The following RUNX1 variants were observed in gnomAD, a reference collection of about 807,000 sequenced individuals.
The protein encoded by RUNX1 is RUNX family transcription factor 1, also known as runt-related transcription factor 1.
A neutral mutation model predicts 42.8 loss-of-function variants in RUNX1; 19 were observed. That is an observed-to-expected ratio of 0.44 (90% CI 0.31 to 0.65). The LOEUF is 0.65. Ranked by LOEUF, RUNX1 falls within the 30% of genes least tolerant of loss-of-function variation. The pLI is 0.07. For missense variants in RUNX1, 528 were observed against 672.0 expected (o/e 0.79, Z 2.37); for synonymous variants, 271 against 289.4 (o/e 0.94, Z 0.64).
intron 2 of RUNX1, among the ~76,000 whole-genome samples, chr21:35,012,129 C>T (rs147380391): frequency 1.2e-4 from 18 of 152,288 alleles, no homozygotes; most frequent in Admixed American, 9.8e-4. Flanking sequence ...CCATATCTAA[C>T]GTGAGATTCA....
At chr21:35,045,685 A>T (rs2059390962) in intron 2 of RUNX1, among the ~76,000 whole-genome samples, 1 of 152,220 alleles carries the variant, frequency 6.6e-6, no homozygotes, top group South Asian at 2.1e-4. Context: ...TCTGTGGCTT[A>T]AGCCTGAAGT....
intron 2 of RUNX1, among the ~76,000 whole-genome samples, chr21:34,943,875 A>G (rs1304131443): frequency 6.6e-6 from 1 of 152,158 alleles, no homozygotes; most frequent in African/African-American, 2.4e-5. Context: ...AGTTACAGAG[A>G]GATTTGCCGA....
At chr21:34,980,709 A>G (rs2058840325) in intron 2 of RUNX1, among the ~76,000 whole-genome samples, 1 of 152,142 alleles carries the variant, frequency 6.6e-6, no homozygotes, top group Non-Finnish European at 1.5e-5. Flanking sequence ...AAAACCAGAA[A>G]AACTATCAAG....
intron 7 of RUNX1, among the ~76,000 whole-genome samples, chr21:34,813,087 T>C (rs2056778549): frequency 6.6e-6 from 1 of 152,170 alleles, no homozygotes. Context: ...ATAGCGATCA[T>C]CAAACGGGTG....
At chr21:34,872,682 C>T (rs1292587704) in intron 5 of RUNX1, among the ~76,000 whole-genome samples, 4 of 152,128 alleles carry the variant, frequency 2.6e-5, no homozygotes, top group Admixed American at 6.5e-5. Flanking sequence ...GGCGAGATCA[C>T]GCATGACTGG....
In RUNX1 at chr21:34,790,059, A is replaced by T. The variant is rs2056415500; in HGVS notation, c.*2076T>A. The T allele has an allele frequency of 4.3e-6, 1 of 232,920 alleles. No homozygotes were observed. The highest frequency in any genetic ancestry group is 8.5e-6 in the Non-Finnish European group (1 of 117,892). 14.4% of individuals were successfully genotyped at this position (232,920 alleles called of 1,614,324 possible). Reference sequence around the variant, plus strand: ...AAAATGTAATACGGAATAATATATGAAACTGAGTTGTGGAGGGAATCCTGT... The same window carrying T: ...AAAATGTAATACGGAATAATATATGTAACTGAGTTGTGGAGGGAATCCTGT... On this transcript the variant is annotated 3_prime_UTR_variant, in exon 9 of 9. Transcript: ENST00000675419.
chr21:35,024,544 C>T (rs2059222121), intron 2 of RUNX1, among the ~76,000 whole-genome samples: 1 of 152,144 alleles, frequency 6.6e-6, no homozygotes, highest in South Asian at 2.1e-4. Flanking sequence ...CTTCAAAAGA[C>T]TTAGAACTGA....
At chr21:34,993,029 T>C (rs2058957618) in intron 2 of RUNX1, among the ~76,000 whole-genome samples, 1 of 152,244 alleles carries the variant, frequency 6.6e-6, no homozygotes. Context: ...AGGACCACTC[T>C]CTTGCCCTGC....
chr21:34,978,879 T>C (rs555825072), intron 2 of RUNX1, among the ~76,000 whole-genome samples: 3 of 151,684 alleles, frequency 2.0e-5, no homozygotes, highest in African/African-American at 7.3e-5. Flanking sequence ...GAGGAGATTT[T>C]CAGGTGACCT....
chr21:35,019,515 C>T (rs2059183244), intron 2 of RUNX1, among the ~76,000 whole-genome samples: 1 of 152,164 alleles, frequency 6.6e-6, no homozygotes, highest in East Asian at 1.9e-4. Flanking sequence ...TAGCAACAAC[C>T]TCATAGAAAA....
intron 8 of RUNX1, 79 bp downstream of exon 8, chr21:34,799,222 C>G: frequency 6.8e-7 from 1 of 1,473,384 alleles, no homozygotes; most frequent in South Asian, 1.1e-5. Flanking sequence ...AATGTTCTGC[C>G]AACTCCTTCA....
intron 2 of RUNX1, among the ~76,000 whole-genome samples, chr21:35,013,486 GTTATTGCAAAGTTGAGT>G (rs2059139778): frequency 6.6e-6 from 1 of 152,172 alleles, no homozygotes; most frequent in Non-Finnish European, 1.5e-5. Context: ...AGAGGTGAAG[GTTATTGCAAAGTTGAGT>G]TTATTAAAGA....
Position 34,901,774 on chromosome 21 carries a change from A to G in RUNX1, c.59-8811T>C, listed in dbSNP as rs79463915. Reference sequence around the variant, plus strand: ...TTCGAGTGATATCCTTCAGCTAAGCATTGTGAGAAAGTATCCAAGTGGAGC... The same window carrying G: ...TTCGAGTGATATCCTTCAGCTAAGCGTTGTGAGAAAGTATCCAAGTGGAGC... On this transcript the variant is annotated intron_variant, in intron 2 of 8. Coordinates refer to ENST00000675419, the MANE Select transcript of RUNX1 (RefSeq NM_001754.5). This position sits in a 1 kb window ranked among gnomAD's most constrained non-coding sequence, Gnocchi z 4.3. Among the ~76,000 whole-genome samples, 393 of 152,298 alleles carry G rather than the reference A, an allele frequency of 2.6e-3. 3 individuals are homozygous for G. The highest frequency in any genetic ancestry group is 9.1e-3 in the African/African-American group (377 of 41,576).
Position 34,858,207 on chromosome 21 carries a change from G to C in RUNX1, c.613+1267C>G, listed in dbSNP as rs2057522122. Among the ~76,000 whole-genome samples, 4 of 152,194 alleles carry C rather than the reference G, an allele frequency of 2.6e-5. No homozygotes were observed. In the South Asian group the frequency reaches 8.3e-4, roughly 31 times the overall value. On this transcript the variant is annotated intron_variant, in intron 6 of 8. Coordinates refer to ENST00000675419, the MANE Select transcript of RUNX1 (RefSeq NM_001754.5). ...GGTGACCCAGATGCCATGAGGTTGT[G>C]GCCAGGACCACAGGGAAGGCTGCCA...
At position 34,789,184 on chromosome 21, in the gene RUNX1, T is replaced by TG. The variant is rs2056405555; in HGVS notation, c.*2950dup. ...AAGGCTGACAAACCATGTTCCTTTA[T>TG]GTGAAGGGGGAAGAACTGGACCTTC... is the stretch of plus-strand genomic sequence containing the variant. On this transcript the variant is annotated 3_prime_UTR_variant, in exon 9 of 9. Transcript: ENST00000675419. The TG allele has an allele frequency of 4.3e-6, 1 of 233,214 alleles. No homozygotes were observed. Among genetic ancestry groups the TG allele is most frequent in the South Asian group, 1.8e-4 (1 of 5,528 alleles). The allele number at this position is 233,214 out of a possible 1,614,324, so 14.4% of individuals were successfully genotyped here. A position where few individuals can be genotyped will look rare whatever the true frequency, so the allele number is the denominator to read the frequency against.
rs368707325 is a variant in RUNX1, at chr21:34,989,641, A to T, written c.58+59201T>A. On this transcript the variant is annotated intron_variant, in intron 2 of 8. Transcript: ENST00000675419. Reference sequence around the variant, plus strand: ...CTTTCTCTTTTGATACATCAAATCCACCCAAAGCAGCTTCTGAAAAAACTA... The same window carrying T: ...CTTTCTCTTTTGATACATCAAATCCTCCCAAAGCAGCTTCTGAAAAAACTA... Among the ~76,000 whole-genome samples the T allele has an allele frequency of 7.9e-5, 12 of 152,078 alleles. 1 individual carries two copies. In the East Asian group the frequency reaches 9.6e-4, roughly 12 times the overall value.
intron 2 of RUNX1, among the ~76,000 whole-genome samples, chr21:34,969,865 G>C (rs1007304551): frequency 2.0e-5 from 3 of 152,196 alleles, no homozygotes; most frequent in Non-Finnish European, 4.4e-5. Context: ...CTGGTGTCAC[G>C]CTTACTTTGC....
intron 7 of RUNX1, among the ~76,000 whole-genome samples, chr21:34,823,934 G>A (rs1022074013): frequency 1.3e-5 from 2 of 152,118 alleles, no homozygotes; most frequent in South Asian, 2.1e-4. Context: ...CAGGATCTAC[G>A]GAGATCAGAA....
At chr21:34,897,725 T>C (rs974795821) in intron 2 of RUNX1, among the ~76,000 whole-genome samples, 11 of 152,064 alleles carry the variant, frequency 7.2e-5, no homozygotes, top group African/African-American at 1.7e-4. Context: ...CCATAAAAGA[T>C]TGAATTACCT....
Sources: gnomAD v4.1 joint callset for allele counts (sites outside exome capture counted in the v4.1 genomes callset) on GRCh38, gnomAD v4.1.1 for gene constraint, Gnocchi (gnomAD v3.1) non-coding constraint, MANE v1.5 for transcripts, NCBI Gene and HGNC (gene_info 2026-07-23, HGNC 2026-07-21) for gene names.